Variants in SLC39A11 observed in about 807,000 individuals in gnomAD.
SLC39A11 encodes the protein zinc transporter ZIP11.
SLC39A11 carries 33 observed loss-of-function variants against 36.1 expected under a neutral mutation model. That is an observed-to-expected ratio of 0.91 (90% CI 0.69 to 1.22). SLC39A11 has a LOEUF of 1.22. Ranked by LOEUF, SLC39A11 falls within the 50% of genes most tolerant of loss-of-function variation. The pLI is 0.00. For missense variants in SLC39A11, 432 were observed against 430.3 expected, an observed-to-expected ratio of 1.00 and a Z score of -0.03; for synonymous variants, 166 against 170.3, an observed-to-expected ratio of 0.97 and a Z score of 0.20.
intron 5 of SLC39A11, among the ~76,000 whole-genome samples, chr17:72,918,370 T>C (rs1397002306): frequency 2.0e-5 from 3 of 151,690 alleles, no homozygotes; most frequent in Admixed American, 6.6e-5. Context: ...GATCGCACCA[T>C]TGCACTCCAG....
Position 72,692,303 on chromosome 17 carries a change from G to A in SLC39A11, c.672-43035C>T, listed in dbSNP as rs192985601. Among the ~76,000 whole-genome samples the A allele has an allele frequency of 6.4e-4, 97 of 152,250 alleles. No homozygotes were observed. The Middle Eastern group carries it at 0.014, about 21-fold the overall frequency. Reference sequence around the variant, plus strand: ...TCAGATTACAGGCGTGGGCTACCGCGCCCGACCAAAATAGCGCATTTTTAT... The same window carrying A: ...TCAGATTACAGGCGTGGGCTACCGCACCCGACCAAAATAGCGCATTTTTAT... On this transcript the variant is annotated intron_variant, in intron 7 of 9. Coordinates refer to ENST00000255559, the MANE Select transcript of SLC39A11 (RefSeq NM_139177.4).
At chr17:73,082,523 A>C (rs1173430976) in intron 3 of SLC39A11, among the ~76,000 whole-genome samples, 1 of 152,074 alleles carries the variant, frequency 6.6e-6, no homozygotes, top group African/African-American at 2.4e-5. Flanking sequence ...AGGAAAGAGA[A>C]AATGTGTTCA....
chr17:72,927,769 C>CATGCAAAA (rs1435945728), intron 5 of SLC39A11, among the ~76,000 whole-genome samples: 1 of 151,934 alleles, frequency 6.6e-6, no homozygotes, highest in East Asian at 1.9e-4. Flanking sequence ...TCATCTCTTA[C>CATGCAAAA]ATGCAAAAAT....
chr17:72,886,200 TAC>T (rs1322684588), intron 5 of SLC39A11, among the ~76,000 whole-genome samples: 2 of 152,192 alleles, frequency 1.3e-5, no homozygotes, highest in Admixed American at 1.3e-4. Context: ...CTCTCCTGCC[TAC>T]ACAGGCTCCC....
intron 7 of SLC39A11, among the ~76,000 whole-genome samples, chr17:72,681,666 G>A (rs902193128): frequency 6.6e-6 from 1 of 152,190 alleles, no homozygotes; most frequent in African/African-American, 2.4e-5. Flanking sequence ...GGTTTGAACT[G>A]TGCAGGTCCA....
rs556269339 is a variant in SLC39A11 at position 72,670,136 on chromosome 17, G to A, written c.672-20868C>T. ...TATATAGTTTGTTTTGTAGAGATAC[G>A]TATACACACACACACATTTTATATA... On this transcript the variant is annotated intron_variant, in intron 7 of 9. Transcript: ENST00000255559. Among the ~76,000 whole-genome samples the A allele has an allele frequency of 4.2e-4, 54 of 129,350 alleles. 1 individual carries two copies. The highest frequency in any genetic ancestry group is 4.5e-3 in the Middle Eastern group (1 of 220). 84.9% of individuals were successfully genotyped at this position (129,350 alleles called of 152,430 possible). A position where few individuals can be genotyped will look rare whatever the true frequency, so the allele number is the denominator to read the frequency against.
intron 7 of SLC39A11, among the ~76,000 whole-genome samples, chr17:72,702,925 A>T (rs1423189884): frequency 1.5e-5 from 2 of 132,478 alleles, no homozygotes; most frequent in East Asian, 4.2e-4. Context: ...TGACAGAGTG[A>T]GACTCCATCT....
intron 7 of SLC39A11, among the ~76,000 whole-genome samples, chr17:72,700,741 C>A (rs112733640): frequency 1.6e-4 from 24 of 152,336 alleles, no homozygotes; most frequent in African/African-American, 5.5e-4. Context: ...GGAGGCCTCA[C>A]AGTCATGGCA....
chr17:72,732,738 G>A (rs1377634678), intron 7 of SLC39A11, among the ~76,000 whole-genome samples: 1 of 152,198 alleles, frequency 6.6e-6, no homozygotes, highest in African/African-American at 2.4e-5. Context: ...GCTGGTTAGT[G>A]GAAGAGTTAG....
At chr17:72,904,977 T>C (rs2082576453) in intron 5 of SLC39A11, among the ~76,000 whole-genome samples, 1 of 150,088 alleles carries the variant, frequency 6.7e-6, no homozygotes, top group Non-Finnish European at 1.5e-5. Flanking sequence ...ATCGAGACCA[T>C]CCTGGCGAAC....
At chr17:72,867,262 G>A (rs2080348386) in intron 5 of SLC39A11, among the ~76,000 whole-genome samples, 1 of 152,182 alleles carries the variant, frequency 6.6e-6, no homozygotes, top group African/African-American at 2.4e-5. Context: ...CACTTTAGGA[G>A]GCCAAGGCAG....
chr17:72,810,090 A>G lies in SLC39A11; in HGVS notation c.601+39544T>C, dbSNP rs1255002099. ...AAAACAAAAACAAAAACAACAAAAA[A>G]AAAAAAAAAGAAAAGAAAATGAAGA... is the stretch of plus-strand genomic sequence containing the variant. On this transcript the variant is annotated intron_variant, in intron 6 of 9. Coordinates refer to ENST00000255559, the MANE Select transcript of SLC39A11 (RefSeq NM_139177.4). 8.6e-4 allele frequency among the ~76,000 whole-genome samples: 130 copies of G among 151,844 alleles called. 2 individuals carry two copies. The highest frequency in any genetic ancestry group is 7.5e-4 in the Non-Finnish European group (51 of 67,904).
chr17:72,660,581 T>C (rs2070365390), intron 7 of SLC39A11, among the ~76,000 whole-genome samples: 1 of 152,104 alleles, frequency 6.6e-6, no homozygotes, highest in African/African-American at 2.4e-5. Flanking sequence ...CATATGGAGA[T>C]AGGGGCGGAC....
chr17:72,897,161 T>A (rs79565388), intron 5 of SLC39A11, among the ~76,000 whole-genome samples: 11,359 of 151,630 alleles, frequency 0.075, 564 homozygotes, highest in African/African-American at 0.13. Context: ...GGAAACCAAT[T>A]TGGGAGCTCC....
At chr17:72,692,808 G>A (rs2072097404) in intron 7 of SLC39A11, among the ~76,000 whole-genome samples, 1 of 152,102 alleles carries the variant, frequency 6.6e-6, no homozygotes, top group Non-Finnish European at 1.5e-5. Flanking sequence ...GACAACTTGG[G>A]ACTGGAAAAA....
chr17:72,767,894 T>C (rs1433452637), intron 6 of SLC39A11, among the ~76,000 whole-genome samples: 1 of 151,906 alleles, frequency 6.6e-6, no homozygotes. Context: ...AGGCTGGCCA[T>C]ACCACTTGGG....
At chr17:72,864,470 C>T (rs1197931364) in intron 5 of SLC39A11, among the ~76,000 whole-genome samples, 3 of 152,080 alleles carry the variant, frequency 2.0e-5, no homozygotes, top group African/African-American at 7.2e-5. Context: ...CTAATGGCCT[C>T]ACCAAATAAG....
chr17:72,719,499 A>G (rs2073560926), intron 7 of SLC39A11, among the ~76,000 whole-genome samples: 1 of 152,198 alleles, frequency 6.6e-6, no homozygotes, highest in Admixed American at 6.5e-5. Flanking sequence ...CCGCACCCAC[A>G]GCTCCCTCTG....
chr17:72,918,580 C>T (rs957147593), intron 5 of SLC39A11, among the ~76,000 whole-genome samples: 4 of 152,192 alleles, frequency 2.6e-5, no homozygotes, highest in African/African-American at 9.6e-5. Context: ...TTACAACCAG[C>T]ATCAGAAGAA....
Sources: allele counts gnomAD v4.1 joint callset (sites outside exome capture counted in the v4.1 genomes callset), GRCh38; gene constraint gnomAD v4.1.1; transcripts MANE v1.5; gene names NCBI Gene and HGNC (gene_info 2026-07-23, HGNC 2026-07-21).